Variants in DHRS11 observed in about 807,000 individuals in gnomAD.
DHRS11 encodes dehydrogenase/reductase 11.
A neutral mutation model predicts 30.7 loss-of-function variants in DHRS11; 18 were observed. The ratio of observed to expected loss-of-function variants is 0.59; its 90% CI spans 0.41 to 0.87. DHRS11 has a LOEUF of 0.87. DHRS11 is among the 40% of genes least tolerant of loss of function. DHRS11 has a pLI of 0.00. For synonymous variants in DHRS11, 123 were observed against 139.6 expected (o/e 0.88, Z 0.84); for missense variants, 300 against 349.0 (o/e 0.86, Z 1.12).
At chr17:36,596,548 G>A (rs1214906993) in intron 2 of DHRS11, 2 of 221,712 alleles carry the variant, frequency 9.0e-6, no homozygotes, top group Non-Finnish European at 9.2e-6. Context: ...GCTCCATGAG[G>A]GCAAGTATTT....
At position 36,599,769 on chromosome 17, in the gene DHRS11, G is replaced by T. The variant is rs1485088665; in HGVS notation, c.675+6G>T. On this transcript the variant is annotated splice_donor_region_variant and intron_variant, in intron 5 of 6. Transcript: ENST00000618403. ...CCACCTATGAGCAAATGAAGGTGGG[G>T]CCTCCCTCTGAGCCTGGTGAAGCCA... is the stretch of plus-strand genomic sequence containing the variant. The T allele has an allele frequency of 6.2e-7, 1 of 1,614,040 alleles. No individual in the cohort carries two copies. Among genetic ancestry groups the T allele is most frequent in the Non-Finnish European group, 8.5e-7 (1 of 1,180,010 alleles).
rs763652105 is a variant in DHRS11, at chr17:36,599,662, T to G, written c.583-9T>G. The stretch of plus-strand genomic sequence containing the variant: ...TCAGCCCCTGAGAAGGCCCTCTCTG[T>G]TGGCCCAGTGCATCTCTCCAGGTGT... On this transcript the variant is annotated splice_polypyrimidine_tract_variant and intron_variant, in intron 4 of 6. Coordinates refer to ENST00000618403, the MANE Select transcript of DHRS11 (RefSeq NM_024308.4). 1.7e-5 allele frequency: 28 copies of G among 1,614,176 alleles called. No homozygotes were observed. Among genetic ancestry groups the G allele is most frequent in the Non-Finnish European group, 2.2e-5 (26 of 1,180,008 alleles).
chr17:36,595,353 G>C (rs201308598), intron 2 of DHRS11, among the ~76,000 whole-genome samples, 173 bp downstream of exon 2: 1 of 148,668 alleles, frequency 6.7e-6, no homozygotes, highest in East Asian at 2.0e-4. Flanking sequence ...CAGAGGGATA[G>C]AGAGTGGATG....
intron 2 of DHRS11, 110 bp from the exon 3 acceptor site, chr17:36,598,053 C>T: frequency 1.8e-6 from 2 of 1,085,488 alleles, no homozygotes; most frequent in East Asian, 2.4e-5. Context: ...GGGACCTGGA[C>T]ACTGTTTTGG....
chr17:36,599,466 T>G, intron 4 of DHRS11: 1 of 596,224 alleles, frequency 1.7e-6, no homozygotes, highest in African/African-American at 1.9e-5. Flanking sequence ...TGTAAAACGT[T>G]TACCTGACAT....
chr17:36,599,903 A>T, intron 5 of DHRS11, 69 bp from the exon 6 acceptor site: 1 of 1,580,656 alleles, frequency 6.3e-7, no homozygotes, highest in African/African-American at 1.3e-5. Flanking sequence ...GCCACAGAGA[A>T]GCTCAGTGGT....
chr17:36,592,505 C>A lies in DHRS11; in HGVS notation c.147+349C>A, dbSNP rs562445224. 7.5e-4 allele frequency among the ~76,000 whole-genome samples: 114 copies of A among 152,336 alleles called. 1 individual carries two copies. In the South Asian group the frequency reaches 7.9e-3, roughly 11 times the overall value. ...GCCTCTAATCTCCAGAAGTCACCCA[C>A]CACGCAGGGCAAGGTGGCTGGCCAA... On this transcript the variant is annotated intron_variant, in intron 1 of 6. Coordinates refer to ENST00000618403, the MANE Select transcript of DHRS11 (RefSeq NM_024308.4). The surrounding 1 kb of genome is among the most constrained non-coding windows in gnomAD (Gnocchi z 4.4).
At position 36,592,127 on chromosome 17, in the gene DHRS11, G is replaced by T; in HGVS notation, c.118G>T (p.Gly40Cys). 7.8e-7 allele frequency: 1 copy of T among 1,279,568 alleles called. No individual in the cohort carries two copies. Among genetic ancestry groups the T allele is most frequent in the Non-Finnish European group, 9.9e-7 (1 of 1,012,396 alleles). 79.3% of individuals were successfully genotyped at this position (1,279,568 alleles called of 1,614,324 possible). Reference sequence around the variant, plus strand: ...GGTCCAGCAGGGACTGAAGGTGGTGGGCTGCGCCCGCACTGTGGGCAACAT... The same window carrying T: ...GGTCCAGCAGGGACTGAAGGTGGTGTGCTGCGCCCGCACTGTGGGCAACAT... ...ALVQQGLKVVGCARTVGNIEE... is the reference protein window; with the variant it reads ...ALVQQGLKVVCCARTVGNIEE... Residue 40 changes from glycine to cysteine, a missense_variant, in exon 1 of 7, where the codon GGC (glycine) becomes TGC (cysteine). Transcript: ENST00000618403. This position sits in a 1 kb window ranked among gnomAD's most constrained non-coding sequence, Gnocchi z 4.4.
At position 36,599,003 on chromosome 17, in the gene DHRS11, G is replaced by A; in HGVS notation, c.535G>A (p.Gly179Arg). 1 of 1,613,236 alleles carries A rather than the reference G, an allele frequency of 6.2e-7. No homozygotes were observed. Among genetic ancestry groups the A allele is most frequent in the African/African-American group, 1.3e-5 (1 of 75,020 alleles). Residue 179 changes from glycine (G) to arginine (R), a missense_variant, in exon 4 of 7, where the codon GGA (glycine) becomes AGA (arginine). By Grantham distance (125) the Gly-to-Arg change is moderately radical (BLOSUM62 -2). Coordinates refer to ENST00000618403, the MANE Select transcript of DHRS11 (RefSeq NM_024308.4). ...TKYAVTALTEGLRQELREAQT... is the reference protein window; with the variant it reads ...TKYAVTALTERLRQELREAQT... ...GTATGCCGTCACTGCGCTGACAGAGGGACTGAGGCAAGAGCTTCGGGAGGC... is the reference window on the plus strand; with the variant it reads ...GTATGCCGTCACTGCGCTGACAGAGAGACTGAGGCAAGAGCTTCGGGAGGC...
At chr17:36,597,785 T>G in intron 2 of DHRS11, 3 of 310,778 alleles carry the variant, frequency 9.7e-6, no homozygotes, top group Admixed American at 5.1e-5. Context: ...AAGAGAAGAG[T>G]AGGGTATTTG....
chr17:36,600,335 T>A lies in DHRS11; in HGVS notation c.*132T>A. ...CCCCGACCAGGGGCTAGAAAATTTG[T>A]TTGAGATTTTTATATCATCTTGTCA... On this transcript the variant is annotated 3_prime_UTR_variant, in exon 7 of 7. Coordinates refer to ENST00000618403, the MANE Select transcript of DHRS11 (RefSeq NM_024308.4). The A allele has an allele frequency of 1.9e-6, 2 of 1,053,506 alleles. No homozygotes were observed. The highest frequency in any genetic ancestry group is 1.5e-5 in the South Asian group (1 of 64,934). The allele number at this position is 1,053,506 out of a possible 1,614,324, so 65.3% of individuals were successfully genotyped here.
rs2074833558 is a variant in DHRS11, at chr17:36,598,957, C to T, written c.489C>T (p.Thr163=). Reference sequence around the variant, plus strand: ...ACCGAGTGTTACCCCTGTCTGTGACCCACTTCTATAGTGCCACCAAGTATG... The same window carrying T: ...ACCGAGTGTTACCCCTGTCTGTGACTCACTTCTATAGTGCCACCAAGTATG... ...SGHRVLPLSV[T]HFYSATKYAV... Residue 163 remains threonine, a synonymous_variant, in exon 4 of 7, where the codon ACC becomes ACT. Transcript: ENST00000618403. 1 of 1,613,486 alleles carries T rather than the reference C, an allele frequency of 6.2e-7. No individual in the cohort carries two copies. Among genetic ancestry groups the T allele is most frequent in the Non-Finnish European group, 8.5e-7 (1 of 1,179,980 alleles).
At chr17:36,595,202 C>T (rs1226196515) in intron 2 of DHRS11, 22 bp downstream of exon 2, 1 of 1,612,026 alleles carries the variant, frequency 6.2e-7, no homozygotes, top group African/African-American at 1.3e-5. Context: ...AAGCCTCCAT[C>T]TTCCAGGTGG....
chr17:36,598,147 C>A lies in DHRS11; in HGVS notation c.358-16C>A, dbSNP rs1387862463. On this transcript the variant is annotated splice_polypyrimidine_tract_variant and intron_variant, in intron 2 of 6. Transcript: ENST00000618403. ...GGCCGGAGTGGAGACACCTCATTGC[C>A]CTCCCTGGCCTGCAGGTGAACGTGC... 1.2e-6 allele frequency: 2 copies of A among 1,613,746 alleles called. No individual in the cohort carries two copies. Among genetic ancestry groups the A allele is most frequent in the Non-Finnish European group, 1.7e-6 (2 of 1,179,774 alleles).
intron 6 of DHRS11, 22 bp downstream of exon 6, chr17:36,600,059 T>C (rs1321787465): frequency 1.9e-6 from 3 of 1,613,854 alleles, no homozygotes; most frequent in Non-Finnish European, 2.5e-6. Flanking sequence ...CCTGACTGTC[T>C]ACTCACTGGA....
chr17:36,596,538 G>A, intron 2 of DHRS11: 1 of 208,626 alleles, frequency 4.8e-6, no homozygotes, highest in Non-Finnish European at 9.9e-6. Flanking sequence ...TAAAATGACA[G>A]CTCCATGAGG....
chr17:36,596,975 G>A, intron 2 of DHRS11: 1 of 444,772 alleles, frequency 2.2e-6, no homozygotes, highest in South Asian at 1.6e-5. Flanking sequence ...TGTAAAATGA[G>A]GGACTTACAT....
In DHRS11 at chr17:36,600,152, C is replaced by G; in HGVS notation, c.742-10C>G. ...TGTCACAGCTGCCTCATGCCTTGTA[C>G]CTTCCACAGATTGGAGACATCCAGA... On this transcript the variant is annotated splice_polypyrimidine_tract_variant and intron_variant, in intron 6 of 6. Transcript: ENST00000618403. The G allele has an allele frequency of 1.9e-6, 3 of 1,595,984 alleles. No individual in the cohort carries two copies. The highest frequency in any genetic ancestry group is 2.6e-6 in the Non-Finnish European group (3 of 1,168,386).
rs1371895740 is a variant in DHRS11, at chr17:36,592,039, C to T, written c.30C>T (p.Arg10=). MARPGMERW[R]DRLALVTGAS... ...CCAGGCCCGGCATGGAGCGGTGGCG[C>T]GACCGGCTGGCGCTGGTGACGGGGG... Residue 10 remains arginine, a synonymous_variant, in exon 1 of 7, where the codon CGC becomes CGT. Coordinates refer to ENST00000618403, the MANE Select transcript of DHRS11 (RefSeq NM_024308.4). This position sits in a 1 kb window ranked among gnomAD's most constrained non-coding sequence, Gnocchi z 4.4. 48 of 1,231,640 alleles carry T rather than the reference C, an allele frequency of 3.9e-5. No homozygotes were observed. The highest frequency in any genetic ancestry group is 4.8e-5 in the Non-Finnish European group (47 of 987,256). The allele number at this position is 1,231,640 out of a possible 1,614,324, so 76.3% of individuals were successfully genotyped here.
Sources: gnomAD v4.1 joint callset for allele counts (sites outside exome capture counted in the v4.1 genomes callset) on GRCh38, gnomAD v4.1.1 for gene constraint, Gnocchi (gnomAD v3.1) non-coding constraint, MANE v1.5 for transcripts, NCBI Gene and HGNC (gene_info 2026-07-23, HGNC 2026-07-21) for gene names.